DPYSL3: variants seen among roughly 807,000 people sequenced by gnomAD.
DPYSL3 encodes the protein dihydropyrimidinase-related protein 3.
A neutral mutation model predicts 66.1 loss-of-function variants in DPYSL3; 16 were observed. The observed-to-expected ratio is 0.24, with a 90% CI of 0.16 to 0.37. The LOEUF (loss-of-function observed/expected upper bound fraction) is 0.37, where lower values mean the gene tolerates loss of function less well. Among genes scored for constraint, DPYSL3 ranks in the 10% least tolerant of loss-of-function variants. DPYSL3 has a pLI of 1.00. For missense variants in DPYSL3, 738 were observed against 916.2 expected (o/e 0.81, Z 2.51); for synonymous variants, 338 against 345.1 (o/e 0.98, Z 0.23).
chr5:147,482,180 G>T (rs1364940780), intron 1 of DPYSL3, among the ~76,000 whole-genome samples: 1 of 152,152 alleles, frequency 6.6e-6, no homozygotes, highest in Non-Finnish European at 1.5e-5. Context: ...ATGGTTCCCT[G>T]CCTCTCCCAA....
intron 7 of DPYSL3, among the ~76,000 whole-genome samples, chr5:147,406,813 A>T (rs1269234138): frequency 1.3e-5 from 2 of 152,168 alleles, no homozygotes; most frequent in African/African-American, 4.8e-5. Context: ...CTTAAAAAAA[A>T]TACCAAAAAT....
chr5:147,494,709 C>CAAAAAAAAAAA (rs35761170), intron 1 of DPYSL3, among the ~76,000 whole-genome samples: 2 of 83,526 alleles, frequency 2.4e-5, no homozygotes, highest in African/African-American at 8.7e-5. Flanking sequence ...ACGAAAAATA[C>CAAAAAAAAAAA]AAAAAAAAAA....
At chr5:147,460,105 C>T (rs964440969) in intron 1 of DPYSL3, among the ~76,000 whole-genome samples, 4 of 150,320 alleles carry the variant, frequency 2.7e-5, no homozygotes, top group African/African-American at 4.9e-5. Flanking sequence ...AACGAGACTC[C>T]GTCTCAGAAA....
intron 1 of DPYSL3, among the ~76,000 whole-genome samples, chr5:147,508,436 G>T (rs540798383): frequency 6.6e-6 from 1 of 152,296 alleles, no homozygotes; most frequent in Non-Finnish European, 1.5e-5. Flanking sequence ...TATTAGTGCA[G>T]AATAATACAT....
At chr5:147,400,588 C>G in intron 10 of DPYSL3, 104 bp downstream of exon 10, 1 of 1,447,474 alleles carries the variant, frequency 6.9e-7, no homozygotes. Flanking sequence ...TACGAGATCC[C>G]ATCTGCACTC....
chr5:147,457,169 T>C (rs1205008102), intron 1 of DPYSL3, among the ~76,000 whole-genome samples: 2 of 152,208 alleles, frequency 1.3e-5, no homozygotes, highest in African/African-American at 4.8e-5. Context: ...TTACTTCGTA[T>C]TCTTCTTATT....
intron 1 of DPYSL3, among the ~76,000 whole-genome samples, chr5:147,494,452 A>G (rs1561805612): frequency 6.6e-6 from 1 of 152,094 alleles, no homozygotes; most frequent in Non-Finnish European, 1.5e-5. Context: ...CTCTTCAAAA[A>G]GATCAATAAA....
chr5:147,481,521 C>T (rs1753243455), intron 1 of DPYSL3, among the ~76,000 whole-genome samples: 1 of 152,188 alleles, frequency 6.6e-6, no homozygotes, highest in Non-Finnish European at 1.5e-5. Context: ...GTTGCCCACA[C>T]CTCCCAAGTC....
chr5:147,399,481 CT>C (rs35058477), intron 10 of DPYSL3, among the ~76,000 whole-genome samples: 35,206 of 151,974 alleles, frequency 0.23, 4,636 homozygotes, highest in East Asian at 0.54. Context: ...GTTACTGCCC[CT>C]GAAGTATGCA....
At chr5:147,461,415 T>G (rs1394268875) in intron 1 of DPYSL3, among the ~76,000 whole-genome samples, 19 of 152,098 alleles carry the variant, frequency 1.2e-4, no homozygotes. Context: ...CCCCTGCATT[T>G]CACCATAGAC....
chr5:147,434,086 C>A (rs537916313), intron 1 of DPYSL3, among the ~76,000 whole-genome samples: 1 of 151,524 alleles, frequency 6.6e-6, no homozygotes, highest in East Asian at 1.9e-4. Flanking sequence ...ACTGCTCCTA[C>A]CACCTTGCTA....
chr5:147,442,912 C>T (rs1187987469), intron 1 of DPYSL3, among the ~76,000 whole-genome samples: 1 of 151,748 alleles, frequency 6.6e-6, no homozygotes, highest in Non-Finnish European at 1.5e-5. Flanking sequence ...TTCATTGTAG[C>T]TTATTTTTAT....
At chr5:147,458,610 G>A (rs984062950) in intron 1 of DPYSL3, among the ~76,000 whole-genome samples, 22 of 152,214 alleles carry the variant, frequency 1.4e-4, no homozygotes, top group East Asian at 1.2e-3. Flanking sequence ...GGTCTGGATC[G>A]AGACCCCTTT....
At position 147,509,522 on chromosome 5, in the gene DPYSL3, C is replaced by A. The variant is rs1198083151; in HGVS notation, c.337G>T (p.Ala113Ser). 7.2e-6 allele frequency: 11 copies of A among 1,533,304 alleles called. No individual in the cohort carries two copies. The highest frequency in any genetic ancestry group is 2.4e-5 in the East Asian group (1 of 40,862). 95.0% of individuals were successfully genotyped at this position (1,533,304 alleles called of 1,614,324 possible). The change falls in exon 1 of 14, where the codon GCC becomes TCC. Residue 113 changes from alanine to serine, a missense_variant. Ala to Ser is a moderately conservative substitution (Grantham distance 99). Coordinates refer to ENST00000343218, the MANE Select transcript of DPYSL3 (RefSeq NM_001197294.2). This position sits in a 1 kb window ranked among gnomAD's most constrained non-coding sequence, Gnocchi z 5.3. ...TTCTGCAACACCTCTTTGCCGGTGG[C>A]GCTCCGGATCTCTACCCCGGCGGGG... ...PAPAGVEIRSATGKEVLQNLG... is the reference protein window; with the variant it reads ...PAPAGVEIRSSTGKEVLQNLG...
At chr5:147,485,587 T>C (rs1206493530) in intron 1 of DPYSL3, among the ~76,000 whole-genome samples, 2 of 152,218 alleles carry the variant, frequency 1.3e-5, no homozygotes, top group East Asian at 3.8e-4. Flanking sequence ...CTCCCTTTGT[T>C]TCCTATGTAT....
chr5:147,470,596 G>A (rs776693801), intron 1 of DPYSL3, among the ~76,000 whole-genome samples: 13 of 152,058 alleles, frequency 8.5e-5, no homozygotes, highest in Admixed American at 2.6e-4. Context: ...TTCTTGATAC[G>A]ATGTTTGACA....
At chr5:147,495,596 C>T (rs1341634292) in intron 1 of DPYSL3, among the ~76,000 whole-genome samples, 1 of 152,178 alleles carries the variant, frequency 6.6e-6, no homozygotes, top group African/African-American at 2.4e-5. Flanking sequence ...CACTCTTATA[C>T]ACCAATAACA....
Position 147,413,625 on chromosome 5 carries a change from T to C in DPYSL3, c.853A>G (p.Lys285Glu), listed in dbSNP as rs772550085. ...GTGTTAGATACTTGATACAAATCCT[T>C]ATAAGCCATATAAACCATGAAGGAG... ...VNSFMVYMAY[K>E]DLYQVSNTEL... Residue 285 changes from lysine (K) to glutamate (E), a missense_variant, in exon 5 of 14, where the codon AAG (lysine) becomes GAG (glutamate). Physicochemically the swap from Lys to Glu is moderately conservative, Grantham distance 56. Coordinates refer to ENST00000343218, the MANE Select transcript of DPYSL3 (RefSeq NM_001197294.2). 6.2e-6 allele frequency: 10 copies of C among 1,613,218 alleles called. No homozygotes were observed. The highest frequency in any genetic ancestry group is 8.5e-6 in the Non-Finnish European group (10 of 1,179,472).
chr5:147,450,379 T>C (rs567952509), intron 1 of DPYSL3, among the ~76,000 whole-genome samples: 1 of 152,330 alleles, frequency 6.6e-6, no homozygotes, highest in African/African-American at 2.4e-5. Flanking sequence ...ATAATCATTA[T>C]GTATCTGTAA....
Sources: gnomAD v4.1 joint callset for allele counts (sites outside exome capture counted in the v4.1 genomes callset) on GRCh38, gnomAD v4.1.1 for gene constraint, Gnocchi (gnomAD v3.1) non-coding constraint, MANE v1.5 for transcripts, NCBI Gene and HGNC (gene_info 2026-07-23, HGNC 2026-07-21) for gene names.